The following COL15A1 variants were observed in gnomAD, a reference collection of about 807,000 sequenced individuals.
COL15A1 encodes the protein collagen type XV alpha 1 chain, also known as collagen alpha-1(XV) chain.
A neutral mutation model predicts 165.9 loss-of-function variants in COL15A1; 111 were observed. That is an observed-to-expected ratio of 0.67 (90% CI 0.57 to 0.78). The LOEUF is 0.78. Among genes scored for constraint, COL15A1 ranks in the 30% least tolerant of loss-of-function variants. The pLI, the probability that COL15A1 is intolerant of heterozygous loss-of-function variation, is 0.00. For missense variants in COL15A1, 1,745 were observed against 1,789.7 expected (o/e 0.98, Z 0.45); for synonymous variants, 659 against 674.8 (o/e 0.98, Z 0.36).
In COL15A1 at chr9:99,025,014, T is replaced by C; in HGVS notation, c.1980+15T>C. 6.2e-7 allele frequency: 1 copy of C among 1,611,536 alleles called. No homozygotes were observed. Among genetic ancestry groups the C allele is most frequent in the Non-Finnish European group, 8.5e-7 (1 of 1,178,770 alleles). ...CTGGGCCCCCGGTGAGCAACTGAAG[T>C]CTTCTCCCCATCTCTGTGGCTGTGG... On this transcript the variant is annotated intron_variant, in intron 15 of 41. Coordinates refer to ENST00000375001, the MANE Select transcript of COL15A1 (RefSeq NM_001855.5).
intron 35 of COL15A1, among the ~76,000 whole-genome samples, chr9:99,057,734 C>T (rs1417177002): frequency 1.3e-5 from 2 of 152,048 alleles, no homozygotes; most frequent in African/African-American, 4.8e-5. Context: ...TTGGAGGAGA[C>T]AATAATAGCA....
Position 99,056,409 on chromosome 9 carries a change from G to A in COL15A1, c.3337+5G>A. On this transcript the variant is annotated splice_donor_5th_base_variant and intron_variant, in intron 35 of 41. Coordinates refer to ENST00000375001, the MANE Select transcript of COL15A1 (RefSeq NM_001855.5). ...CTCCAGCTATCCTGGGAGCAGGTTA[G>A]TGCCGTAAACAGTGCCCTTGTTCAT... 1.9e-6 allele frequency: 3 copies of A among 1,606,376 alleles called. No individual in the cohort carries two copies. The highest frequency in any genetic ancestry group is 1.1e-5 in the South Asian group (1 of 90,704).
At chr9:99,016,854 C>A (rs1412958471) in intron 11 of COL15A1, among the ~76,000 whole-genome samples, 1 of 152,248 alleles carries the variant, frequency 6.6e-6, no homozygotes, top group Non-Finnish European at 1.5e-5. Flanking sequence ...TGAAAGCCAC[C>A]ACTCAAGCTA....
intron 2 of COL15A1, among the ~76,000 whole-genome samples, chr9:98,963,735 G>A (rs1304715047): frequency 6.6e-6 from 1 of 152,106 alleles, no homozygotes; most frequent in East Asian, 1.9e-4. Context: ...GGGTATAGGA[G>A]TCCTACCTCC....
chr9:98,992,634 G>C (rs2118912340), intron 5 of COL15A1, among the ~76,000 whole-genome samples: 1 of 152,384 alleles, frequency 6.6e-6, no homozygotes, highest in East Asian at 1.9e-4. Flanking sequence ...GGGCGAGCGA[G>C]GGCCGCCAGC....
chr9:98,996,909 T>C lies in COL15A1; in HGVS notation c.805-25T>C, dbSNP rs1327070555. ...TGCTTTACTGCCAAGTAAATCATTT[T>C]GCATCTCATTTTTCCTCCCTTCAGC... On this transcript the variant is annotated intron_variant, in intron 5 of 41. Coordinates refer to ENST00000375001, the MANE Select transcript of COL15A1 (RefSeq NM_001855.5). 3.1e-5 allele frequency: 50 copies of C among 1,609,388 alleles called. 1 individual carries two copies. The Middle Eastern group carries it at 9.9e-4, about 32-fold the overall frequency.
In COL15A1 at chr9:99,055,157, T is replaced by G; in HGVS notation, c.3081+6T>G. On this transcript the variant is annotated splice_donor_region_variant and intron_variant, in intron 33 of 41. Transcript: ENST00000375001. ...ACTTTCTGAACAACTTGAAGGTGAG[T>G]ATTTCTCTACCAATATTTGGCCTGT... 6.2e-7 allele frequency: 1 copy of G among 1,612,072 alleles called. No homozygotes were observed.
rs1026889474 is a variant in COL15A1 at position 99,060,551 on chromosome 9, C to T, written c.3402+598C>T. On this transcript the variant is annotated intron_variant, in intron 36 of 41. Transcript: ENST00000375001. ...CCTCCCAAAGTGCTGGGAGTACAGA[C>T]ACGAGCCACCACGCCTGGCCACCAA... Among the ~76,000 whole-genome samples the T allele has an allele frequency of 4.6e-5, 7 of 151,062 alleles. No homozygotes were observed. The East Asian group carries it at 1.4e-3, about 29-fold the overall frequency.
chr9:99,019,648 G>A (rs1200232560), intron 11 of COL15A1, among the ~76,000 whole-genome samples: 1 of 151,444 alleles, frequency 6.6e-6, no homozygotes, highest in East Asian at 2.0e-4. Flanking sequence ...AGCTTGCCTG[G>A]CTCTGCTACA....
At chr9:99,058,450 T>C (rs1198494610) in intron 35 of COL15A1, among the ~76,000 whole-genome samples, 4 of 152,164 alleles carry the variant, frequency 2.6e-5, no homozygotes, top group Admixed American at 2.6e-4. Flanking sequence ...GAACCACAGG[T>C]GCCCACACAG....
chr9:98,987,322 C>T lies in COL15A1; in HGVS notation c.677C>T (p.Pro226Leu), dbSNP rs980544271. The T allele has an allele frequency of 6.2e-7, 1 of 1,613,592 alleles. No individual in the cohort carries two copies. The change falls in exon 4 of 42, where the codon CCC (proline) becomes CTC (leucine). Residue 226 changes from proline (P) to leucine (L), a missense_variant. Physicochemically the swap from Pro to Leu is moderately conservative, Grantham distance 98. Transcript: ENST00000375001. ...TCCCTCCAGCAGCTCACCGTGCACC[C>T]CGACCCCAGGACTCCCGAGGAGCTG... The part of the protein sequence containing the change: ...TGSLQQLTVH[P>L]DPRTPEELCD...
Position 99,052,400 on chromosome 9 carries a change from C to T in COL15A1, c.2917C>T (p.His973Tyr). 1 of 1,612,470 alleles carries T rather than the reference C, an allele frequency of 6.2e-7. No individual in the cohort carries two copies. The highest frequency in any genetic ancestry group is 8.5e-7 in the Non-Finnish European group (1 of 1,178,466). The change falls in exon 31 of 42, where the codon CAT becomes TAT. Residue 973 changes from histidine (H) to tyrosine (Y), a missense_variant. Physicochemically the swap from His to Tyr is moderately conservative, Grantham distance 83. Transcript: ENST00000375001. ...PHCKMPVDTA[H>Y]PGSPELITFH... ...CCTCTCTTTCCAGGTTGATACTGCT[C>T]ATCCTGGGAGTCCAGAGCTCATCAC... is the stretch of plus-strand genomic sequence containing the variant.
rs184078627 is a variant in COL15A1 at position 98,990,179 on chromosome 9, T to G, written c.804+921T>G. On this transcript the variant is annotated intron_variant, in intron 5 of 41. Transcript: ENST00000375001. ...CTGGAAGGACCCAAAGTCCTGTACA[T>G]CTCTTTCTGTACAGAGGTGTACGGA... is the stretch of plus-strand genomic sequence containing the variant. Among the ~76,000 whole-genome samples the G allele has an allele frequency of 5.3e-5, 8 of 152,240 alleles. No individual in the cohort carries two copies. The East Asian group carries it at 1.4e-3, about 26-fold the overall frequency.
Position 99,047,987 on chromosome 9 carries a change from G to A in COL15A1, c.2780G>A (p.Gly927Glu), listed in dbSNP as rs768685214. 9 of 1,580,134 alleles carry A rather than the reference G, an allele frequency of 5.7e-6. No individual in the cohort carries two copies. Among genetic ancestry groups the A allele is most frequent in the South Asian group, 2.2e-5 (2 of 89,378 alleles). ...NGLKGTKGDP[G>E]VIMQGPPGLP... is the part of the protein sequence containing the mutation. Reference sequence around the variant, plus strand: ...CTCAAGGGTACCAAAGGAGATCCAGGGGTCATTATGCAGGTGAGTCACCCT... The same window carrying A: ...CTCAAGGGTACCAAAGGAGATCCAGAGGTCATTATGCAGGTGAGTCACCCT... The change falls in exon 28 of 42, where the codon GGG becomes GAG. Residue 927 changes from glycine to glutamate, a missense_variant. Gly to Glu is a moderately conservative substitution (Grantham distance 98). Transcript: ENST00000375001.
Position 99,004,925 on chromosome 9 carries a change from G to A in COL15A1, c.1228G>A (p.Ala410Thr). 1 of 1,614,122 alleles carries A rather than the reference G, an allele frequency of 6.2e-7. No individual in the cohort carries two copies. The highest frequency in any genetic ancestry group is 8.5e-7 in the Non-Finnish European group (1 of 1,179,984). Residue 410 changes from alanine to threonine, a missense_variant, in exon 9 of 42, where the codon GCA becomes ACA. By Grantham distance (58) the Ala-to-Thr change is moderately conservative. Transcript: ENST00000375001. ...TCCAGATAATGAAGAGCGTTTAGCA[G>A]CAACAGCAGCAGGGGAGGCCGAGGC... is the stretch of plus-strand genomic sequence containing the variant. Reference protein sequence around the residue: ...PGPDNEERLAATAAGEAEALA... With the variant: ...PGPDNEERLATTAAGEAEALA...
chr9:98,994,173 A>G (rs1377215134), intron 5 of COL15A1, among the ~76,000 whole-genome samples: 3 of 152,038 alleles, frequency 2.0e-5, no homozygotes, highest in Non-Finnish European at 4.4e-5. Flanking sequence ...GGTCTTTAAA[A>G]GCAGATTCTT....
At chr9:99,035,445 T>G (rs1839285028) in intron 19 of COL15A1, 27 bp downstream of exon 19, 1 of 1,613,816 alleles carries the variant, frequency 6.2e-7, no homozygotes. Context: ...ACCTTCATTA[T>G]GAGGGTTGTC....
At position 99,036,234 on chromosome 9, in the gene COL15A1, G is replaced by T. The variant is rs145032655; in HGVS notation, c.2325+29G>T. ...AGGTCACAGAGCCAAGGTGGGGGTG[G>T]GAGGGCTTTCCAGCCTGGTTCTGGG... On this transcript the variant is annotated intron_variant, in intron 20 of 41. Coordinates refer to ENST00000375001, the MANE Select transcript of COL15A1 (RefSeq NM_001855.5). The T allele has an allele frequency of 8.3e-5, 134 of 1,613,390 alleles. No individual in the cohort carries two copies. The African/African-American group carries it at 1.5e-3, about 18-fold the overall frequency.
Position 99,036,370 on chromosome 9 carries a change from C to G in COL15A1, c.2383C>G (p.Pro795Ala). ...IVGPPGPRGP[P>A]GHIKVLSNSL... ...GGGACCCCCTGGGCCGAGAGGGCCA[C>G]CTGGGCACATCAAGGTCTTGTCTAA... is the stretch of plus-strand genomic sequence containing the variant. Residue 795 changes from proline to alanine, a missense_variant, in exon 21 of 42, where the codon CCT (proline) becomes GCT (alanine). Physicochemically the swap from Pro to Ala is conservative, Grantham distance 27. Transcript: ENST00000375001. The G allele has an allele frequency of 6.2e-7, 1 of 1,614,164 alleles. No individual in the cohort carries two copies. Among genetic ancestry groups the G allele is most frequent in the Non-Finnish European group, 8.5e-7 (1 of 1,180,032 alleles).
Sources: gnomAD v4.1 joint callset for allele counts (sites outside exome capture counted in the v4.1 genomes callset) on GRCh38, gnomAD v4.1.1 for gene constraint, MANE v1.5 for transcripts, NCBI Gene and HGNC (gene_info 2026-07-23, HGNC 2026-07-21) for gene names.